Variants in CAPN2 observed in about 807,000 individuals in gnomAD.
CAPN2 encodes the protein calpain-2 catalytic subunit.
A neutral mutation model predicts 102.3 loss-of-function variants in CAPN2; 92 were observed. The ratio of observed to expected loss-of-function variants is 0.90; its 90% CI spans 0.76 to 1.07. The LOEUF (loss-of-function observed/expected upper bound fraction) is 1.07, where lower values mean the gene tolerates loss of function less well. Ranked by LOEUF, CAPN2 falls within the 50% of genes least tolerant of loss-of-function variation. The pLI is 0.00. For synonymous variants in CAPN2, 340 were observed against 355.4 expected (o/e 0.96, Z 0.49); for missense variants, 800 against 909.4 (o/e 0.88, Z 1.55).
chr1:223,704,371 T>A (rs538568544), intron 1 of CAPN2, among the ~76,000 whole-genome samples: 1 of 152,284 alleles, frequency 6.6e-6, no homozygotes, highest in South Asian at 2.1e-4. Flanking sequence ...AATCTCAAAG[T>A]GTGAAACGCC....
chr1:223,718,515 A>C (rs1659942157), intron 2 of CAPN2, among the ~76,000 whole-genome samples: 1 of 152,222 alleles, frequency 6.6e-6, no homozygotes, highest in Admixed American at 6.5e-5. Context: ...AAATTCCCAA[A>C]GCTTCTAGGA....
Position 223,774,856 on chromosome 1 carries a change from G to T in CAPN2, c.2102G>T (p.Ter701LeuextTer4). 1.2e-6 allele frequency: 2 copies of T among 1,612,270 alleles called. No individual in the cohort carries two copies. The highest frequency in any genetic ancestry group is 8.5e-7 in the Non-Finnish European group (1 of 1,179,162). The change falls in exon 21 of 21, where the codon TGA (stop) becomes TTA (leucine). Residue 701 changes from the stop codon to leucine (L), a stop_lost. Transcript: ENST00000295006. ...CAGTGGCTCTGTTTCTCAGTACTTT[G>T]AAGTTATAACTAATCTGCCTGAAGA... ...LISWLCFSVL* is the reference protein window; with the variant it reads ...LISWLCFSVLL
intron 2 of CAPN2, among the ~76,000 whole-genome samples, chr1:223,734,594 C>A (rs1660405733): frequency 6.6e-6 from 1 of 152,136 alleles, no homozygotes; most frequent in Non-Finnish European, 1.5e-5. Context: ...TCCTCACTGA[C>A]CCCCGGCCAC....
intron 16 of CAPN2, among the ~76,000 whole-genome samples, chr1:223,768,188 A>C (rs1292314891): frequency 6.7e-6 from 1 of 149,516 alleles, no homozygotes; most frequent in African/African-American, 2.5e-5. Context: ...GAAGCTCTTT[A>C]GTTTAATTAG....
chr1:223,749,249 T>A, intron 6 of CAPN2, 127 bp downstream of exon 6: 1 of 761,814 alleles, frequency 1.3e-6, no homozygotes, highest in Non-Finnish European at 2.2e-6. Flanking sequence ...GGCCCCGCAC[T>A]CCTGAAGTTC....
intron 2 of CAPN2, among the ~76,000 whole-genome samples, chr1:223,741,952 CAG>C (rs911548489): frequency 2.0e-5 from 3 of 151,986 alleles, no homozygotes; most frequent in East Asian, 1.9e-4. Flanking sequence ...CTGACTGACT[CAG>C]GGGATGTGTC....
rs1194601219 is a variant in CAPN2, at chr1:223,731,573, C to T, written c.308-12527C>T. Among the ~76,000 whole-genome samples the T allele has an allele frequency of 1.3e-5, 2 of 152,222 alleles. No individual in the cohort carries two copies. The highest frequency in any genetic ancestry group is 4.8e-5 in the African/African-American group (2 of 41,452). On this transcript the variant is annotated intron_variant, in intron 2 of 20. Transcript: ENST00000295006. The surrounding 1 kb of genome is among the most constrained non-coding windows in gnomAD (Gnocchi z 4.2). ...ACCAGTTTCCACGTCTGTCTCCTGC[C>T]GGCTGTGAGCTCACTGCCTCAGAAC...
intron 3 of CAPN2, 133 bp downstream of exon 3, chr1:223,744,351 TGGGCGAGAGCA>T: frequency 1.5e-6 from 1 of 663,670 alleles, no homozygotes; most frequent in Non-Finnish European, 2.7e-6. Context: ...CAAAGGACAT[TGGGCGAGAGCA>T]GGAAGCTTCC....
chr1:223,770,353 G>T, intron 17 of CAPN2, 94 bp from the exon 18 acceptor site: 1 of 773,610 alleles, frequency 1.3e-6, no homozygotes, highest in Non-Finnish European at 2.2e-6. Context: ...GCACAGAGCT[G>T]GAAAAACTTC....
At position 223,771,859 on chromosome 1, in the gene CAPN2, G is replaced by A. The variant is rs748990262; in HGVS notation, c.1954G>A (p.Asp652Asn). 5 of 1,614,192 alleles carry A rather than the reference G, an allele frequency of 3.1e-6. No individual in the cohort carries two copies. The highest frequency in any genetic ancestry group is 4.2e-6 in the Non-Finnish European group (5 of 1,180,008). ...LHQVIVARFA[D>N]DQLIIDFDNF... Reference sequence around the variant, plus strand: ...CCAAGTCATCGTTGCTCGGTTTGCAGATGACCAGCTCATCATCGATTTTGA... The same window carrying A: ...CCAAGTCATCGTTGCTCGGTTTGCAAATGACCAGCTCATCATCGATTTTGA... Residue 652 changes from aspartate to asparagine, a missense_variant, in exon 19 of 21, where the codon GAT becomes AAT. Coordinates refer to ENST00000295006, the MANE Select transcript of CAPN2 (RefSeq NM_001748.5).
rs1049123199 is a variant in CAPN2 at position 223,731,055 on chromosome 1, G to C, written c.308-13045G>C. 1.3e-5 allele frequency among the ~76,000 whole-genome samples: 2 copies of C among 152,170 alleles called. No individual in the cohort carries two copies. Among genetic ancestry groups the C allele is most frequent in the African/African-American group, 4.8e-5 (2 of 41,424 alleles). On this transcript the variant is annotated intron_variant, in intron 2 of 20. Coordinates refer to ENST00000295006, the MANE Select transcript of CAPN2 (RefSeq NM_001748.5). The surrounding 1 kb of genome is among the most constrained non-coding windows in gnomAD (Gnocchi z 4.2). ...TAATTCCAAGTTCAGATCATGTTGG[G>C]AGTCAGCTGGGAGTCAGTGTGAGGA...
At chr1:223,753,365 C>T (rs920544463) in intron 9 of CAPN2, among the ~76,000 whole-genome samples, 3 of 152,232 alleles carry the variant, frequency 2.0e-5, no homozygotes, top group African/African-American at 4.8e-5. Context: ...AACCTTGTCC[C>T]GGCACCCAGG....
At chr1:223,732,834 C>T (rs1455928511) in intron 2 of CAPN2, among the ~76,000 whole-genome samples, 1 of 152,076 alleles carries the variant, frequency 6.6e-6, no homozygotes, top group Non-Finnish European at 1.5e-5. Context: ...CTGAAGGTAA[C>T]AAGGGGTTGC....
At chr1:223,732,238 G>A (rs912935684) in intron 2 of CAPN2, among the ~76,000 whole-genome samples, 3 of 152,120 alleles carry the variant, frequency 2.0e-5, no homozygotes, top group Non-Finnish European at 2.9e-5. Flanking sequence ...CTTGGATCCC[G>A]CTCAAGAAAG....
rs760712744 is a variant in CAPN2, at chr1:223,770,514, TAGA to T, written c.1898_1900del (p.Glu633del). 7 of 1,612,674 alleles carry T rather than the reference TAGA, an allele frequency of 4.3e-6. No individual in the cohort carries two copies. Among genetic ancestry groups the T allele is most frequent in the Admixed American group, 3.3e-5 (2 of 60,000 alleles). On this transcript the variant is annotated inframe_deletion, in exon 18 of 21. Transcript: ENST00000295006. ...AATTCCTATGAAATGCGGAAGGCAT[TAGA>T]AGAAGCAGGTAACCCTTTATAACTG... is the stretch of plus-strand genomic sequence containing the variant.
rs956824833 is a variant in CAPN2, at chr1:223,704,859, C to T, written c.3+3028C>T. Among the ~76,000 whole-genome samples, 21 of 152,130 alleles carry T rather than the reference C, an allele frequency of 1.4e-4. 1 individual carries two copies. The highest frequency in any genetic ancestry group is 3.9e-4 in the Admixed American group (6 of 15,280). ...TAGACTGTCATTAAACAAATGTAAC[C>T]GAGGCAGGGGAAATGTGGAGCCCCA... On this transcript the variant is annotated intron_variant, in intron 1 of 20. Coordinates refer to the CAPN2 transcript ENST00000433674.
chr1:223,708,607 A>G (rs146206678), upstream of CAPN2, among the ~76,000 whole-genome samples: 1,211 of 151,940 alleles, frequency 8.0e-3, 16 homozygotes, highest in African/African-American at 0.027. Context: ...CGTCTCTACT[A>G]AAAATACAAA....
intron 14 of CAPN2, among the ~76,000 whole-genome samples, chr1:223,762,751 G>A (rs908308663): frequency 2.0e-5 from 3 of 152,192 alleles, no homozygotes; most frequent in Admixed American, 2.0e-4. Flanking sequence ...CATGATCATA[G>A]CTCACTGCAG....
chr1:223,722,915 C>T (rs1290679999), intron 2 of CAPN2, among the ~76,000 whole-genome samples: 2 of 152,202 alleles, frequency 1.3e-5, no homozygotes, highest in Admixed American at 6.5e-5. Flanking sequence ...AAGTCTCCTT[C>T]GGCTCCTCTG....
Sources: allele counts gnomAD v4.1 joint callset (sites outside exome capture counted in the v4.1 genomes callset), GRCh38; gene constraint gnomAD v4.1.1; non-coding constraint Gnocchi (gnomAD v3.1); transcripts MANE v1.5; gene names NCBI Gene and HGNC (gene_info 2026-07-23, HGNC 2026-07-21).